The following SLC3A2 variants were observed in gnomAD, a reference collection of about 807,000 sequenced individuals.
The protein encoded by SLC3A2 is amino acid transporter heavy chain SLC3A2.
In SLC3A2, 32 loss-of-function variants were observed where a neutral mutation model predicts 48.5. That is an observed-to-expected ratio of 0.66 (90% CI 0.50 to 0.89). The LOEUF (loss-of-function observed/expected upper bound fraction) is 0.89. Ranked by LOEUF, SLC3A2 falls within the 40% of genes least tolerant of loss-of-function variation. The probability of loss-of-function intolerance (pLI) is 0.00; values close to 1 mark genes in which losing one functional copy is unlikely to be tolerated. For synonymous variants in SLC3A2, 277 were observed against 288.8 expected, an observed-to-expected ratio of 0.96 and a Z score of 0.41; for missense variants, 587 against 680.7, an observed-to-expected ratio of 0.86 and a Z score of 1.53.
At position 62,881,577 on chromosome 11, in the gene SLC3A2, T is replaced by TTCCCCCCCCCC; in HGVS notation, c.424+130_424+131insTCCCCCCCCCC. 1 of 1,221,264 alleles carries TTCCCCCCCCCC rather than the reference T, an allele frequency of 8.2e-7. No individual in the cohort carries two copies. The highest frequency in any genetic ancestry group is 1.1e-6 in the Non-Finnish European group (1 of 905,978). The allele number at this position is 1,221,264 out of a possible 1,614,324, so 75.7% of individuals were successfully genotyped here. ...TCCCGTACCGACGACTGTTCCCCCT[T>TTCCCCCCCCCC]CCCCCACCCCCTCCCCGGCACATTG... On this transcript the variant is annotated intron_variant, in intron 1 of 8. Transcript: ENST00000338663. The surrounding 1 kb of genome is among the most constrained non-coding windows in gnomAD (Gnocchi z 4.0).
At position 62,888,509 on chromosome 11, in the gene SLC3A2, G is replaced by C; in HGVS notation, c.1406G>C (p.Gly469Ala). 6.2e-7 allele frequency: 1 copy of C among 1,614,210 alleles called. No homozygotes were observed. The highest frequency in any genetic ancestry group is 1.1e-5 in the South Asian group (1 of 91,086). ...CGTTTTCTGGTAGTGCTTAACTTTG[G>C]GGATGTGGGCCTCTCGGCTGGACTG... ...NERFLVVLNF[G>A]DVGLSAGLQA... Residue 469 changes from glycine to alanine, a missense_variant, in exon 9 of 9, where the codon GGG becomes GCG. Around this residue, in one of 3 missense-constraint regions of SLC3A2, gnomAD observed 169 missense variants for 204.4 expected, o/e 0.83. Coordinates refer to ENST00000338663, the MANE Select transcript of SLC3A2 (RefSeq NM_001013251.3).
In SLC3A2 at chr11:62,888,669, G is replaced by C. The variant is rs2085748596; in HGVS notation, c.1566G>C (p.Leu522=). 1 of 1,599,640 alleles carries C rather than the reference G, an allele frequency of 6.3e-7. No homozygotes were observed. The highest frequency in any genetic ancestry group is 1.3e-5 in the African/African-American group (1 of 75,004). Residue 522 remains leucine (L), a synonymous_variant, in exon 9 of 9, where the codon CTG becomes CTC. Coordinates refer to ENST00000338663, the MANE Select transcript of SLC3A2 (RefSeq NM_001013251.3). ...RLKLEPHEGL[L]LRFPYAA is the part of the protein sequence containing the mutation. ...AACTGGAGCCTCACGAAGGGCTGCT[G>C]CTCCGCTTCCCCTACGCGGCCTGAC... is the stretch of plus-strand genomic sequence containing the variant.
intron 1 of SLC3A2, among the ~76,000 whole-genome samples, chr11:62,866,505 C>T (rs2085454895): frequency 6.6e-6 from 1 of 150,536 alleles, no homozygotes; most frequent in Non-Finnish European, 1.5e-5. Context: ...AAGCTACTCT[C>T]GTGCCTCAGC....
In SLC3A2 at chr11:62,883,752, A is replaced by G. The variant is rs1313517141; in HGVS notation, c.691-705A>G. On this transcript the variant is annotated intron_variant, in intron 3 of 8. Transcript: ENST00000338663. ...AGGGAATGTTTTTGGATGGTTTGGC[A>G]TGAGGGGCGGTACCCTCAGATGGAA... is the stretch of plus-strand genomic sequence containing the variant. 2.5e-5 allele frequency: 7 copies of G among 285,206 alleles called. No individual in the cohort carries two copies. The East Asian group carries it at 2.6e-4, about 11-fold the overall frequency. 17.7% of individuals were successfully genotyped at this position (285,206 alleles called of 1,614,324 possible). A position where few individuals can be genotyped will look rare whatever the true frequency, so the allele number is the denominator to read the frequency against.
chr11:62,879,195 G>A (rs1244410626), upstream of SLC3A2, among the ~76,000 whole-genome samples: 2 of 152,090 alleles, frequency 1.3e-5, no homozygotes, highest in Admixed American at 6.5e-5. Flanking sequence ...AGCATGAGAA[G>A]TGGGATTACA....
At chr11:62,876,090 A>G (rs572839831), upstream of SLC3A2, among the ~76,000 whole-genome samples, 2 of 152,282 alleles carry the variant, frequency 1.3e-5, no homozygotes, top group East Asian at 3.9e-4. Flanking sequence ...GTCTCAAACT[A>G]CTGGGCTTAA....
In SLC3A2 at chr11:62,881,289, G is replaced by T; in HGVS notation, c.266G>T (p.Trp89Leu). ...CGCTGGGCACTGCTGCTGCTCTTCTGGCTCGGCTGGCTCGGCATGCTTGCT... is the reference window on the plus strand; with the variant it reads ...CGCTGGGCACTGCTGCTGCTCTTCTTGCTCGGCTGGCTCGGCATGCTTGCT... ...RTRWALLLLF[W>L]LGWLGMLAGA... The change falls in exon 1 of 9, where the codon TGG becomes TTG. Residue 89 changes from tryptophan to leucine, a missense_variant. This residue lies in a region of SLC3A2 where 409 missense variants were observed against 446.7 expected (regional missense o/e 0.92). Coordinates refer to ENST00000338663, the MANE Select transcript of SLC3A2 (RefSeq NM_001013251.3). This position sits in a 1 kb window ranked among gnomAD's most constrained non-coding sequence, Gnocchi z 4.0. The T allele has an allele frequency of 6.3e-7, 1 of 1,575,008 alleles. No homozygotes were observed. Among genetic ancestry groups the T allele is most frequent in the Non-Finnish European group, 8.6e-7 (1 of 1,163,596 alleles).
chr11:62,864,240 C>A (rs1290274711), intron 1 of SLC3A2, among the ~76,000 whole-genome samples: 1 of 151,904 alleles, frequency 6.6e-6, no homozygotes, highest in African/African-American at 2.4e-5. Flanking sequence ...ATAGGTCTTA[C>A]CTCTTAGGCC....
At chr11:62,859,925 G>C (rs2085380028) in intron 1 of SLC3A2, among the ~76,000 whole-genome samples, 1 of 152,148 alleles carries the variant, frequency 6.6e-6, no homozygotes, top group Non-Finnish European at 1.5e-5. Context: ...CAGAGACAAA[G>C]TATAGAGGAA....
intron 2 of SLC3A2, chr11:62,882,593 T>A: frequency 3.1e-6 from 1 of 323,632 alleles, no homozygotes; most frequent in Non-Finnish European, 6.0e-6. Context: ...CAAGCGATTC[T>A]CGTGCCTCAG....
At chr11:62,878,910 C>T (rs2085599746), upstream of SLC3A2, among the ~76,000 whole-genome samples, 1 of 151,388 alleles carries the variant, frequency 6.6e-6, no homozygotes, top group South Asian at 2.1e-4. Flanking sequence ...AAGTCTGGGA[C>T]TACAGGCGTG....
rs1429134154 is a variant in SLC3A2, at chr11:62,874,245, T to C, written c.113-6774T>C. Among the ~76,000 whole-genome samples the C allele has an allele frequency of 2.0e-5, 3 of 152,086 alleles. No homozygotes were observed. In the East Asian group the frequency reaches 5.8e-4, roughly 29 times the overall value. ...TCATTTTAAGGTCTCTTATTGCTAC[T>C]TATCTTTTTTGATGAGATTAAGTAT... On this transcript the variant is annotated intron_variant, in intron 1 of 9. Transcript: ENST00000377889.
intron 1 of SLC3A2, among the ~76,000 whole-genome samples, chr11:62,869,719 A>G (rs1051449204): frequency 2.7e-5 from 4 of 150,942 alleles, no homozygotes; most frequent in Non-Finnish European, 5.9e-5. Context: ...ATTGTGATGC[A>G]TAATTTTTTC....
chr11:62,882,437 G>A (rs2085654602), intron 2 of SLC3A2: 1 of 259,376 alleles, frequency 3.9e-6, no homozygotes, highest in African/African-American at 2.3e-5. Context: ...TTTGGGAGTG[G>A]GGAACACAGG....
At chr11:62,867,928 A>G (rs905626321) in intron 1 of SLC3A2, among the ~76,000 whole-genome samples, 1 of 147,330 alleles carries the variant, frequency 6.8e-6, no homozygotes, top group African/African-American at 2.5e-5. Flanking sequence ...TTCAAAAAAA[A>G]TTTTTTTTTT....
At chr11:62,877,018 C>T, upstream of SLC3A2, 1 of 822,734 alleles carries the variant, frequency 1.2e-6, no homozygotes, top group Non-Finnish European at 1.5e-6. Flanking sequence ...CCTTTGTCTT[C>T]ACATGCTAGT....
At chr11:62,878,414 T>G (rs1031201064), upstream of SLC3A2, among the ~76,000 whole-genome samples, 8 of 151,996 alleles carry the variant, frequency 5.3e-5, no homozygotes, top group Non-Finnish European at 8.8e-5. Context: ...TTTGCTTCCC[T>G]TGAGTGTTGG....
Position 62,881,086 on chromosome 11 carries a change from G to A in SLC3A2, c.63G>A (p.Lys21=). ...EVELNELEPE[K]QPMNAASGAA... ...AGCTGAATGAGTTAGAGCCCGAGAA[G>A]CAGCCGATGAACGCGGCGTCTGGGG... The change falls in exon 1 of 9, where the codon AAG becomes AAA. Residue 21 remains lysine, a synonymous_variant. Transcript: ENST00000338663. The surrounding 1 kb of genome is among the most constrained non-coding windows in gnomAD (Gnocchi z 4.0). 3.7e-6 allele frequency: 6 copies of A among 1,608,784 alleles called. No homozygotes were observed. Among genetic ancestry groups the A allele is most frequent in the Non-Finnish European group, 5.1e-6 (6 of 1,177,754 alleles).
upstream of SLC3A2, chr11:62,880,720 T>G: frequency 2.9e-6 from 1 of 349,132 alleles, no homozygotes; most frequent in Non-Finnish European, 5.2e-6. Context: ...AACTTTAGGG[T>G]TAGACAGGTT....
Sources: allele counts gnomAD v4.1 joint callset (sites outside exome capture counted in the v4.1 genomes callset), GRCh38; gene constraint gnomAD v4.1.1; regional missense constraint gnomAD v4.1.1; non-coding constraint Gnocchi (gnomAD v3.1); transcripts MANE v1.5; gene names NCBI Gene and HGNC (gene_info 2026-07-23, HGNC 2026-07-21).